The following KCNQ3 variants were observed in gnomAD, a reference collection of about 807,000 sequenced individuals.
KCNQ3 encodes potassium voltage-gated channel subfamily Q member 3.
Under a neutral mutation model 92.5 loss-of-function variants are expected in KCNQ3, and 30 were observed. The observed-to-expected ratio is 0.32, with a 90% CI of 0.24 to 0.44. The LOEUF (loss-of-function observed/expected upper bound fraction) is 0.44, where lower values mean the gene tolerates loss of function less well. Among genes scored for constraint, KCNQ3 ranks in the 20% least tolerant of loss-of-function variants. The pLI, the probability that KCNQ3 is intolerant of heterozygous loss-of-function variation, is 1.00. For synonymous variants in KCNQ3, 450 were observed against 468.8 expected, an observed-to-expected ratio of 0.96 and a Z score of 0.52; for missense variants, 913 against 1,140.3, an observed-to-expected ratio of 0.80 and a Z score of 2.87.
At chr8:132,191,242 G>A (rs1316641053) in intron 1 of KCNQ3, among the ~76,000 whole-genome samples, 1 of 152,106 alleles carries the variant, frequency 6.6e-6, no homozygotes, top group East Asian at 1.9e-4. Flanking sequence ...CAACTCCTGG[G>A]CTCAAGTGAT....
chr8:132,164,209 C>T (rs1826073701), intron 8 of KCNQ3, among the ~76,000 whole-genome samples: 1 of 152,098 alleles, frequency 6.6e-6, no homozygotes, highest in African/African-American at 2.4e-5. Flanking sequence ...CCTTTATGTA[C>T]ACCTGGAGGG....
At chr8:132,473,038 A>G (rs1186782707) in intron 1 of KCNQ3, among the ~76,000 whole-genome samples, 1 of 152,222 alleles carries the variant, frequency 6.6e-6, no homozygotes, top group Non-Finnish European at 1.5e-5. Flanking sequence ...AATGCAACCA[A>G]TGTTTGACTC....
At chr8:132,334,601 G>A (rs775554433) in intron 1 of KCNQ3, among the ~76,000 whole-genome samples, 27 of 152,286 alleles carry the variant, frequency 1.8e-4, no homozygotes, top group South Asian at 6.2e-4. Flanking sequence ...CCCCACAGTG[G>A]GATTTGAGTG....
intron 9 of KCNQ3, among the ~76,000 whole-genome samples, chr8:132,147,445 A>G (rs80089573): frequency 0.02 from 3,058 of 152,318 alleles, 116 homozygotes; most frequent in African/African-American, 0.071. Context: ...GAAGACTGAG[A>G]GGCATCGTGT....
chr8:132,420,155 G>C (rs1820929958), intron 1 of KCNQ3, among the ~76,000 whole-genome samples: 1 of 152,006 alleles, frequency 6.6e-6, no homozygotes, highest in Non-Finnish European at 1.5e-5. Context: ...GATGGGAGAG[G>C]GCTCTGGGGT....
intron 1 of KCNQ3, among the ~76,000 whole-genome samples, chr8:132,425,100 C>T (rs1463461705): frequency 6.6e-6 from 1 of 152,094 alleles, no homozygotes; most frequent in Non-Finnish European, 1.5e-5. Context: ...GGGTAAAGAC[C>T]CTCAGATCAA....
chr8:132,298,836 A>T (rs1487997613), intron 1 of KCNQ3, among the ~76,000 whole-genome samples: 1 of 152,160 alleles, frequency 6.6e-6, no homozygotes, highest in East Asian at 1.9e-4. Flanking sequence ...TGAACTCAGG[A>T]GGTGGAGGTT....
intron 1 of KCNQ3, among the ~76,000 whole-genome samples, chr8:132,357,088 C>G (rs370816054): frequency 6.6e-6 from 1 of 152,122 alleles, no homozygotes; most frequent in East Asian, 1.9e-4. Context: ...CAGGGAGGAC[C>G]AAAAACATCT....
At chr8:132,421,177 T>C (rs1445373574) in intron 1 of KCNQ3, among the ~76,000 whole-genome samples, 1 of 152,352 alleles carries the variant, frequency 6.6e-6, no homozygotes, top group East Asian at 1.9e-4. Context: ...TACACAGTCT[T>C]GTGTTCCAAT....
At chr8:132,462,920 CTCTT>C (rs1822093887) in intron 1 of KCNQ3, among the ~76,000 whole-genome samples, 1 of 152,306 alleles carries the variant, frequency 6.6e-6, no homozygotes, top group East Asian at 1.9e-4. Flanking sequence ...CCCTCCTTCC[CTCTT>C]TCTGTCTCTT....
In KCNQ3 at chr8:132,452,884, T is replaced by G. The variant is rs559040473; in HGVS notation, c.386+27263A>C. On this transcript the variant is annotated intron_variant, in intron 1 of 14. Coordinates refer to ENST00000388996, the MANE Select transcript of KCNQ3 (RefSeq NM_004519.4). ...TGGGGACACCACAGTGAACTTGACA[T>G]GATGTTTGCCTGCCTAGAGCTCTCA... Among the ~76,000 whole-genome samples, 11 of 152,240 alleles carry G rather than the reference T, an allele frequency of 7.2e-5. No homozygotes were observed. The South Asian group carries it at 8.3e-4, about 11-fold the overall frequency.
At chr8:132,309,823 C>A (rs567630546) in intron 1 of KCNQ3, among the ~76,000 whole-genome samples, 1 of 152,330 alleles carries the variant, frequency 6.6e-6, no homozygotes, top group East Asian at 1.9e-4. Context: ...TCAGAGAGAA[C>A]TCTGAGCTGT....
intron 1 of KCNQ3, among the ~76,000 whole-genome samples, chr8:132,281,668 C>T (rs1816522634): frequency 6.6e-6 from 1 of 152,082 alleles, no homozygotes; most frequent in African/African-American, 2.4e-5. Flanking sequence ...AGCCCCTCCA[C>T]ATTCGCTCAA....
At chr8:132,392,996 T>C (rs1276203887) in intron 1 of KCNQ3, among the ~76,000 whole-genome samples, 4 of 152,090 alleles carry the variant, frequency 2.6e-5, no homozygotes, top group African/African-American at 4.8e-5. Flanking sequence ...TGCTAACAAT[T>C]TTCCAGTTTT....
intron 1 of KCNQ3, among the ~76,000 whole-genome samples, chr8:132,233,476 A>C (rs2130380031): frequency 6.6e-6 from 1 of 152,310 alleles, no homozygotes. Context: ...TGGGAAGCCT[A>C]GTGCTTTTAG....
At chr8:132,384,614 C>T (rs925620520) in intron 1 of KCNQ3, among the ~76,000 whole-genome samples, 11 of 152,248 alleles carry the variant, frequency 7.2e-5, no homozygotes, top group Admixed American at 1.3e-4. Flanking sequence ...TCATGTGTAA[C>T]GGCAACTTGG....
chr8:132,152,015 C>A (rs778455594), intron 9 of KCNQ3, among the ~76,000 whole-genome samples: 7 of 152,186 alleles, frequency 4.6e-5, no homozygotes, highest in Non-Finnish European at 7.3e-5. Context: ...ATGAGATAAT[C>A]AAACTTCGTT....
At chr8:132,282,222 T>C (rs975340652) in intron 1 of KCNQ3, among the ~76,000 whole-genome samples, 11 of 152,202 alleles carry the variant, frequency 7.2e-5, no homozygotes, top group African/African-American at 2.7e-4. Context: ...TGAATTACAC[T>C]ATGACCTCCT....
chr8:132,221,165 CATAGTATTCCATCGTGT>C (rs1366963586), intron 1 of KCNQ3, among the ~76,000 whole-genome samples: 1 of 152,182 alleles, frequency 6.6e-6, no homozygotes, highest in African/African-American at 2.4e-5. Flanking sequence ...TTTATGGCTG[CATAGTATTCCATCGTGT>C]ATATGTGCCA....
Sources: allele counts gnomAD v4.1 joint callset (sites outside exome capture counted in the v4.1 genomes callset), GRCh38; gene constraint gnomAD v4.1.1; transcripts MANE v1.5; gene names NCBI Gene and HGNC (gene_info 2026-07-23, HGNC 2026-07-21).